Variants in DAZAP1 observed in about 807,000 individuals in gnomAD.
DAZAP1 encodes DAZ associated protein 1, also known as DAZ-associated protein 1.
A neutral mutation model predicts 60.1 loss-of-function variants in DAZAP1; 6 were observed. That is an observed-to-expected ratio of 0.10 (90% CI 0.05 to 0.20). The LOEUF is 0.20. Among genes scored for constraint, DAZAP1 ranks in the 10% least tolerant of loss-of-function variants. DAZAP1 has a pLI of 1.00. For synonymous variants in DAZAP1, 235 were observed against 215.9 expected, an observed-to-expected ratio of 1.09 and a Z score of -0.78; for missense variants, 366 against 560.4, an observed-to-expected ratio of 0.65 and a Z score of 3.50.
rs915923822 is a variant in DAZAP1, at chr19:1,407,722, C to T, written c.-52C>T. The T allele has an allele frequency of 1.9e-6, 2 of 1,066,962 alleles. No individual in the cohort carries two copies. The highest frequency in any genetic ancestry group is 1.7e-5 in the African/African-American group (1 of 57,964). The allele number at this position is 1,066,962 out of a possible 1,614,324, so 66.1% of individuals were successfully genotyped here. A position where few individuals can be genotyped will look rare whatever the true frequency, so the allele number is the denominator to read the frequency against. On this transcript the variant is annotated 5_prime_UTR_variant, in exon 1 of 12. Coordinates refer to ENST00000233078, the MANE Select transcript of DAZAP1 (RefSeq NM_018959.4). ...GACGGAGCGGGTGACCTTCCGGAGGCGGGAGCGAGCGAGGAGGCCCGGGAG... is the reference window on the plus strand; with the variant it reads ...GACGGAGCGGGTGACCTTCCGGAGGTGGGAGCGAGCGAGGAGGCCCGGGAG...
intron 1 of DAZAP1, among the ~76,000 whole-genome samples, chr19:1,413,659 G>A (rs578215517): frequency 1.3e-5 from 2 of 152,340 alleles, no homozygotes; most frequent in South Asian, 4.1e-4. Flanking sequence ...CAGTGTGGCC[G>A]CGCGCGGTGC....
At chr19:1,412,400 T>C (rs1396334071) in intron 1 of DAZAP1, among the ~76,000 whole-genome samples, 1 of 152,216 alleles carries the variant, frequency 6.6e-6, no homozygotes, top group Non-Finnish European at 1.5e-5. Context: ...CAGCCGCCAC[T>C]GGGCCTGGAC....
In DAZAP1 at chr19:1,434,113, C is replaced by G; in HGVS notation, c.1049-624C>G. ...TGGGGAGCGGCGTGAGCAGCTCTGT[C>G]CTTGTAAAGACACCGCTGTCCATGC... is the stretch of plus-strand genomic sequence containing the variant. On this transcript the variant is annotated intron_variant, in intron 11 of 11. Coordinates refer to ENST00000233078, the MANE Select transcript of DAZAP1 (RefSeq NM_018959.4). The surrounding 1 kb of genome is among the most constrained non-coding windows in gnomAD (Gnocchi z 8.0). 1 of 451,028 alleles carries G rather than the reference C, an allele frequency of 2.2e-6. No individual in the cohort carries two copies. Among genetic ancestry groups the G allele is most frequent in the South Asian group, 2.7e-5 (1 of 36,910 alleles). 27.9% of individuals were successfully genotyped at this position (451,028 alleles called of 1,614,324 possible). A position where few individuals can be genotyped will look rare whatever the true frequency, so the allele number is the denominator to read the frequency against.
At chr19:1,413,792 T>C (rs1383629119) in intron 1 of DAZAP1, among the ~76,000 whole-genome samples, 2 of 152,232 alleles carry the variant, frequency 1.3e-5, no homozygotes, top group African/African-American at 4.8e-5. Context: ...CCATAAGGAC[T>C]GAGACTTGTT....
chr19:1,419,474 C>T (rs1450850497), intron 4 of DAZAP1, among the ~76,000 whole-genome samples: 3 of 152,190 alleles, frequency 2.0e-5, no homozygotes, highest in African/African-American at 7.2e-5. Context: ...CCGGAGGGTG[C>T]GTCTCCTAAA....
At position 1,418,553 on chromosome 19, in the gene DAZAP1, C is replaced by CGGCGGGGCGG; in HGVS notation, c.238-106_238-97dup. 1.1e-5 allele frequency: 16 copies of CGGCGGGGCGG among 1,477,718 alleles called. No individual in the cohort carries two copies. Among genetic ancestry groups the CGGCGGGGCGG allele is most frequent in the South Asian group, 5.8e-5 (5 of 86,856 alleles). The allele number at this position is 1,477,718 out of a possible 1,614,324, so 91.5% of individuals were successfully genotyped here. ...CAGGAGGATACAGGGTGAATGGAGC[C>CGGCGGGGCGG]GGCGGGGCGGGGCGGGCCGGGCTGC... On this transcript the variant is annotated intron_variant, in intron 3 of 11. Transcript: ENST00000233078. The surrounding 1 kb of genome is among the most constrained non-coding windows in gnomAD (Gnocchi z 5.7).
chr19:1,410,307 G>A (rs2082790449), intron 1 of DAZAP1, among the ~76,000 whole-genome samples: 1 of 152,162 alleles, frequency 6.6e-6, no homozygotes, highest in South Asian at 2.1e-4. Context: ...GGGGTGTGGG[G>A]AGTCCCTCTC....
chr19:1,431,827 G>T (rs921538515), intron 10 of DAZAP1, among the ~76,000 whole-genome samples: 20 of 152,184 alleles, frequency 1.3e-4, no homozygotes, highest in African/African-American at 4.3e-4. Flanking sequence ...AGCAGGAACG[G>T]CACCGTGATC....
intron 9 of DAZAP1, 104 bp downstream of exon 9, chr19:1,430,100 A>G (rs2083406229): frequency 6.4e-7 from 1 of 1,567,940 alleles, no homozygotes; most frequent in African/African-American, 1.4e-5. Context: ...CCGTGTCCTG[A>G]GTGCTGGAGA....
Position 1,430,269 on chromosome 19 carries a change from C to CCCCCCATAAA in DAZAP1, c.779_780insCCCCATAAAC (p.Phe262IlefsTer168). On this transcript the variant is annotated frameshift_variant, in exon 10 of 12. Coordinates refer to ENST00000233078, the MANE Select transcript of DAZAP1 (RefSeq NM_018959.4). LOFTEE classifies it high-confidence loss of function. ...AGGAAGAGGAGCCCCCCCGCCACCC[C>CCCCCCATAAA]CACCGTTCACCTCCTACATCGTGTC... 1.5e-6 allele frequency: 2 copies of CCCCCCATAAA among 1,356,192 alleles called. No individual in the cohort carries two copies. The highest frequency in any genetic ancestry group is 2.1e-6 in the Non-Finnish European group (2 of 971,280). 84.0% of individuals were successfully genotyped at this position (1,356,192 alleles called of 1,614,324 possible).
Position 1,422,593 on chromosome 19 carries a change from G to A in DAZAP1, c.463+197G>A, listed in dbSNP as rs188565637. 2.6e-5 allele frequency among the ~76,000 whole-genome samples: 4 copies of A among 152,192 alleles called. No homozygotes were observed. The highest frequency in any genetic ancestry group is 1.9e-4 in the East Asian group (1 of 5,196). The stretch of plus-strand genomic sequence containing the variant: ...CTGTCTGTGCTTCCCGAGGTCAGAC[G>A]TCACACATTGTTTTTTGGCTTGTTC... On this transcript the variant is annotated intron_variant, in intron 6 of 11. Transcript: ENST00000233078. This position sits in a 1 kb window ranked among gnomAD's most constrained non-coding sequence, Gnocchi z 4.5.
In DAZAP1 at chr19:1,428,864, C is replaced by T; in HGVS notation, c.569C>T (p.Pro190Leu). 1 of 1,613,132 alleles carries T rather than the reference C, an allele frequency of 6.2e-7. No individual in the cohort carries two copies. Among genetic ancestry groups the T allele is most frequent in the Non-Finnish European group, 8.5e-7 (1 of 1,179,930 alleles). ...GKKVEVKRAEPRDSKSQAPGQ... is the reference protein window; with the variant it reads ...GKKVEVKRAELRDSKSQAPGQ... ...TAGGTGGAAGTTAAACGAGCTGAGCCTCGGGACAGCAAGAGCCAAGCGCCG... is the reference window on the plus strand; with the variant it reads ...TAGGTGGAAGTTAAACGAGCTGAGCTTCGGGACAGCAAGAGCCAAGCGCCG... The change falls in exon 8 of 12, where the codon CCT (proline) becomes CTT (leucine). Residue 190 changes from proline (P) to leucine (L), a missense_variant. Around this residue, in one of 3 missense-constraint regions of DAZAP1, gnomAD observed 240 missense variants for 308.8 expected, o/e 0.78. Coordinates refer to ENST00000233078, the MANE Select transcript of DAZAP1 (RefSeq NM_018959.4). The surrounding 1 kb of genome is among the most constrained non-coding windows in gnomAD (Gnocchi z 4.0).
At position 1,434,339 on chromosome 19, in the gene DAZAP1, G is replaced by A; in HGVS notation, c.1049-398G>A. The stretch of plus-strand genomic sequence containing the variant: ...CCTGTATCGCTGCAAGGGCCCGTCA[G>A]GGGTTTTCTGAAACTCCGAGAGCCA... On this transcript the variant is annotated intron_variant, in intron 11 of 11. Coordinates refer to ENST00000233078, the MANE Select transcript of DAZAP1 (RefSeq NM_018959.4). This position sits in a 1 kb window ranked among gnomAD's most constrained non-coding sequence, Gnocchi z 8.0. The A allele has an allele frequency of 4.6e-6, 1 of 215,810 alleles. No homozygotes were observed. The highest frequency in any genetic ancestry group is 7.4e-5 in the South Asian group (1 of 13,590). 13.4% of individuals were successfully genotyped at this position (215,810 alleles called of 1,614,324 possible).
rs1206185526 is a variant in DAZAP1 at position 1,434,924 on chromosome 19, G to C, written c.*12G>C. 3 of 1,402,518 alleles carry C rather than the reference G, an allele frequency of 2.1e-6. No homozygotes were observed. In the Admixed American group the frequency reaches 9.6e-5, roughly 45 times the overall value. 86.9% of individuals were successfully genotyped at this position (1,402,518 alleles called of 1,614,324 possible). ...CCTACCGACGCTAGCCCGCGGCGCCGCGACGTCTGCACGGCCCAGACCCAG... is the reference window on the plus strand; with the variant it reads ...CCTACCGACGCTAGCCCGCGGCGCCCCGACGTCTGCACGGCCCAGACCCAG... On this transcript the variant is annotated 3_prime_UTR_variant, in exon 12 of 12. Coordinates refer to ENST00000233078, the MANE Select transcript of DAZAP1 (RefSeq NM_018959.4). The surrounding 1 kb of genome is among the most constrained non-coding windows in gnomAD (Gnocchi z 8.0).
chr19:1,432,960 T>C lies in DAZAP1; in HGVS notation c.1048+270T>C, dbSNP rs1412350542. ...CATGTGTGGGAACCTGAGTGGCGAC[T>C]GGGTCGAGGGAAGTGAGTCGCAGGC... On this transcript the variant is annotated intron_variant, in intron 11 of 11. Transcript: ENST00000233078. This position sits in a 1 kb window ranked among gnomAD's most constrained non-coding sequence, Gnocchi z 4.9. The C allele has an allele frequency of 8.6e-6, 4 of 462,928 alleles. No homozygotes were observed. The highest frequency in any genetic ancestry group is 1.5e-5 in the Non-Finnish European group (4 of 259,476). 28.7% of individuals were successfully genotyped at this position (462,928 alleles called of 1,614,324 possible).
chr19:1,426,217 A>T lies in DAZAP1; in HGVS notation c.546+257A>T. 6.8e-5 allele frequency: 29 copies of T among 425,464 alleles called. No homozygotes were observed. The highest frequency in any genetic ancestry group is 6.0e-4 in the Middle Eastern group (1 of 1,660). 26.4% of individuals were successfully genotyped at this position (425,464 alleles called of 1,614,324 possible). ...CTGGGTGACCTGGGACTGGGCGGGT[A>T]GGGGGCTGGGGCTGGGAGGCTGTGG... On this transcript the variant is annotated intron_variant, in intron 7 of 11. Coordinates refer to ENST00000233078, the MANE Select transcript of DAZAP1 (RefSeq NM_018959.4). This position sits in a 1 kb window ranked among gnomAD's most constrained non-coding sequence, Gnocchi z 5.4.
intron 4 of DAZAP1, among the ~76,000 whole-genome samples, chr19:1,419,647 C>T (rs972186595): frequency 2.0e-5 from 3 of 152,178 alleles, no homozygotes; most frequent in Admixed American, 6.6e-5. Context: ...GTTCATATTC[C>T]ATCTGGTTAT....
chr19:1,429,648 C>G (rs1007692796), intron 8 of DAZAP1, among the ~76,000 whole-genome samples: 1 of 152,234 alleles, frequency 6.6e-6, no homozygotes, highest in African/African-American at 2.4e-5. Context: ...TGTCCCTGCC[C>G]TCTCGAGGCT....
Position 1,432,817 on chromosome 19 carries a change from G to T in DAZAP1, c.1048+127G>T. On this transcript the variant is annotated intron_variant, in intron 11 of 11. Transcript: ENST00000233078. This position sits in a 1 kb window ranked among gnomAD's most constrained non-coding sequence, Gnocchi z 4.9. ...ACCTGGTGGGAAAGGGGAGAGGGAGGAGAGGGGGGTGTGGGGGTTGTTGGA... is the reference window on the plus strand; with the variant it reads ...ACCTGGTGGGAAAGGGGAGAGGGAGTAGAGGGGGGTGTGGGGGTTGTTGGA... 1 of 1,169,230 alleles carries T rather than the reference G, an allele frequency of 8.6e-7. No homozygotes were observed. Among genetic ancestry groups the T allele is most frequent in the Middle Eastern group, 2.1e-4 (1 of 4,690 alleles). The allele number at this position is 1,169,230 out of a possible 1,614,324, so 72.4% of individuals were successfully genotyped here.
Sources: gnomAD v4.1 joint callset for allele counts (sites outside exome capture counted in the v4.1 genomes callset) on GRCh38, gnomAD v4.1.1 for gene constraint, gnomAD v4.1.1 regional missense constraint, Gnocchi (gnomAD v3.1) non-coding constraint, MANE v1.5 for transcripts, NCBI Gene and HGNC (gene_info 2026-07-23, HGNC 2026-07-21) for gene names.